ARMH1: variants seen among roughly 807,000 people sequenced by gnomAD.
ARMH1 encodes armadillo-like helical domain containing protein 1.
ARMH1 carries 34 observed loss-of-function variants against 50.2 expected under a neutral mutation model. The observed-to-expected ratio is 0.68, with a 90% CI of 0.51 to 0.90. ARMH1 has a LOEUF of 0.90. ARMH1 is among the 40% of genes least tolerant of loss of function. The pLI is 0.00. For missense variants in ARMH1, 538 were observed against 553.9 expected (o/e 0.97, Z 0.29); for synonymous variants, 221 against 224.2 (o/e 0.99, Z 0.13).
rs984682839 is a variant in ARMH1, at chr1:44,683,575, A to G, written c.-22-6101A>G. Among the ~76,000 whole-genome samples the G allele has an allele frequency of 1.3e-5, 2 of 152,204 alleles. No individual in the cohort carries two copies. The highest frequency in any genetic ancestry group is 2.9e-5 in the Non-Finnish European group (2 of 68,040). On this transcript the variant is annotated intron_variant, in intron 1 of 11. Coordinates refer to ENST00000535358, the MANE Select transcript of ARMH1 (RefSeq NM_001145636.2). The surrounding 1 kb of genome is among the most constrained non-coding windows in gnomAD (Gnocchi z 4.2). ...GGGGTTAGGAAAAGAGTCATTCACA[A>G]TCCATCAGAGAGACCAAGCACGCTG...
At chr1:44,680,810 G>A (rs1023329211) in intron 1 of ARMH1, among the ~76,000 whole-genome samples, 12 of 152,078 alleles carry the variant, frequency 7.9e-5, no homozygotes, top group Admixed American at 1.3e-4. Flanking sequence ...AAGTTATCCA[G>A]GCATCCTCCT....
At chr1:44,697,709 G>C (rs1204871233) in intron 3 of ARMH1, among the ~76,000 whole-genome samples, 1 of 152,132 alleles carries the variant, frequency 6.6e-6, no homozygotes. Context: ...CCCATGCCCA[G>C]CCCCAAACGA....
intron 5 of ARMH1, among the ~76,000 whole-genome samples, chr1:44,702,785 G>A (rs978790232): frequency 2.0e-5 from 3 of 152,026 alleles, no homozygotes; most frequent in Non-Finnish European, 4.4e-5. Context: ...AATAGGGTTG[G>A]AAAATCAAGG....
chr1:44,680,259 C>T (rs936867130), intron 1 of ARMH1, among the ~76,000 whole-genome samples: 5 of 152,234 alleles, frequency 3.3e-5, no homozygotes, highest in Non-Finnish European at 5.9e-5. Flanking sequence ...TCACTGCAGC[C>T]TCAGCCTCCC....
intron 2 of ARMH1, among the ~76,000 whole-genome samples, chr1:44,692,526 T>G (rs185245236): frequency 6.6e-6 from 1 of 152,160 alleles, no homozygotes; most frequent in Non-Finnish European, 1.5e-5. Context: ...TTCTAACATG[T>G]AGCACAATGC....
chr1:44,710,453 C>CA (rs1646552982), intron 6 of ARMH1, among the ~76,000 whole-genome samples: 1 of 151,462 alleles, frequency 6.6e-6, no homozygotes, highest in African/African-American at 2.4e-5. Flanking sequence ...ACTAAAAATA[C>CA]AAAAAATTAG....
chr1:44,682,222 C>G lies in ARMH1; in HGVS notation c.-23+7349C>G, dbSNP rs1645335252. 6.6e-6 allele frequency among the ~76,000 whole-genome samples: 1 copy of G among 152,200 alleles called. No individual in the cohort carries two copies. The highest frequency in any genetic ancestry group is 1.5e-5 in the Non-Finnish European group (1 of 68,040). On this transcript the variant is annotated intron_variant, in intron 1 of 11. Transcript: ENST00000535358. This position sits in a 1 kb window ranked among gnomAD's most constrained non-coding sequence, Gnocchi z 4.5. ...GAGTGCCTGTGTTTTACCAGAGACC[C>G]TGCTAGCCACCCAAATTACAAAGAT...
intron 1 of ARMH1, among the ~76,000 whole-genome samples, chr1:44,677,689 C>T (rs148347258): frequency 6.6e-6 from 1 of 152,188 alleles, no homozygotes; most frequent in Non-Finnish European, 1.5e-5. Context: ...CACTGAACTC[C>T]CCCTGGATGA....
At chr1:44,723,109 G>A (rs985644870) in intron 6 of ARMH1, among the ~76,000 whole-genome samples, 13 of 150,790 alleles carry the variant, frequency 8.6e-5, no homozygotes, top group Non-Finnish European at 1.9e-4. Context: ...ATGCTGGTGT[G>A]CCATCATCTT....
At chr1:44,697,412 CAT>C (rs1222020060) in intron 3 of ARMH1, among the ~76,000 whole-genome samples, 1 of 152,154 alleles carries the variant, frequency 6.6e-6, no homozygotes, top group African/African-American at 2.4e-5. Context: ...AAAACCAACT[CAT>C]ATTGGACTCA....
intron 6 of ARMH1, among the ~76,000 whole-genome samples, chr1:44,722,942 C>T (rs1197189457): frequency 2.0e-5 from 3 of 147,670 alleles, no homozygotes; most frequent in Admixed American, 6.8e-5. Flanking sequence ...GGTGTGGTGG[C>T]GGGCGCCTGT....
intron 3 of ARMH1, among the ~76,000 whole-genome samples, 160 bp downstream of exon 3, chr1:44,697,330 C>G (rs1461515481): frequency 1.3e-5 from 2 of 151,994 alleles, no homozygotes; most frequent in African/African-American, 4.8e-5. Context: ...GGCTCCTGCT[C>G]TAGTTGCTCC....
intron 4 of ARMH1, among the ~76,000 whole-genome samples, chr1:44,700,570 C>T (rs1040076572): frequency 4.1e-5 from 6 of 147,300 alleles, no homozygotes; most frequent in Non-Finnish European, 5.9e-5. Context: ...GAGCCGAGAT[C>T]GCACCACTGT....
intron 1 of ARMH1, among the ~76,000 whole-genome samples, chr1:44,676,051 T>A (rs1645129676): frequency 6.6e-6 from 1 of 151,900 alleles, no homozygotes; most frequent in Non-Finnish European, 1.5e-5. Context: ...TGGGGAAGGA[T>A]TATGGTGGCA....
At chr1:44,701,243 G>A in intron 5 of ARMH1, 124 bp downstream of exon 5, 1 of 964,132 alleles carries the variant, frequency 1.0e-6, no homozygotes. Flanking sequence ...CATGTCTGTT[G>A]TTCAATCAGC....
intron 5 of ARMH1, among the ~76,000 whole-genome samples, chr1:44,703,207 C>T (rs1646172287): frequency 6.6e-6 from 1 of 152,116 alleles, no homozygotes; most frequent in Non-Finnish European, 1.5e-5. Context: ...GTTCCATTCT[C>T]CTTGCCCTGT....
chr1:44,719,305 G>A (rs1456968825), intron 6 of ARMH1, among the ~76,000 whole-genome samples: 18 of 152,202 alleles, frequency 1.2e-4, no homozygotes, highest in Admixed American at 1.2e-3. Flanking sequence ...TGAGGATGAT[G>A]GGCAAGAGGC....
At chr1:44,723,181 C>T (rs983889789) in intron 6 of ARMH1, among the ~76,000 whole-genome samples, 4 of 152,138 alleles carry the variant, frequency 2.6e-5, no homozygotes, top group African/African-American at 9.7e-5. Context: ...TTTACAAAAA[C>T]ATTCAATCCT....
At chr1:44,710,608 C>CAAAAAAAAAAAAAAAAAAAAAAAAAAAA (rs56731047) in intron 6 of ARMH1, among the ~76,000 whole-genome samples, 1 of 92,900 alleles carries the variant, frequency 1.1e-5, no homozygotes, top group Non-Finnish European at 2.1e-5. Flanking sequence ...GACTCCGTCT[C>CAAAAAAAAAAAAAAAAAAAAAAAAAAAA]AAAAAAAAAA....
Sources: gnomAD v4.1 joint callset for allele counts (sites outside exome capture counted in the v4.1 genomes callset) on GRCh38, gnomAD v4.1.1 for gene constraint, Gnocchi (gnomAD v3.1) non-coding constraint, MANE v1.5 for transcripts, NCBI Gene and HGNC (gene_info 2026-07-23, HGNC 2026-07-21) for gene names.